CENPS: variants seen among roughly 807,000 people sequenced by gnomAD.
CENPS encodes centromere protein S.
A neutral mutation model predicts 17.9 loss-of-function variants in CENPS; 16 were observed. The ratio of observed to expected loss-of-function variants is 0.90; its 90% CI spans 0.61 to 1.36. CENPS has a LOEUF of 1.36. Among genes scored for constraint, CENPS ranks in the 40% most tolerant of loss-of-function variants. The pLI is 0.00. For missense variants in CENPS, 160 were observed against 158.6 expected (o/e 1.01, Z -0.05); for synonymous variants, 49 against 55.8 (o/e 0.88, Z 0.54).
In CENPS at chr1:10,442,426, G is replaced by A. The variant is rs760976958; in HGVS notation, c.*21G>A. 2.6e-6 allele frequency: 4 copies of A among 1,554,400 alleles called. No individual in the cohort carries two copies. Among genetic ancestry groups the A allele is most frequent in the Middle Eastern group, 1.7e-4 (1 of 5,844 alleles). The stretch of plus-strand genomic sequence containing the variant: ...ATTAAAGTCCCTCGCCGCTTGGAAA[G>A]TGCAGCCTTCTACAGGTAGAGCCAC... On this transcript the variant is annotated 3_prime_UTR_variant, in exon 5 of 5. Coordinates refer to ENST00000309048, the MANE Select transcript of CENPS (RefSeq NM_199294.3).
intron 3 of CENPS, among the ~76,000 whole-genome samples, chr1:10,436,966 G>C (rs1177708439): frequency 6.6e-6 from 1 of 152,142 alleles, no homozygotes; most frequent in Non-Finnish European, 1.5e-5. Flanking sequence ...TGGAAGGTCA[G>C]CTTTGGTTAT....
chr1:10,430,642 G>A (rs1639859169), intron 1 of CENPS, 74 bp downstream of exon 1: 3 of 1,478,922 alleles, frequency 2.0e-6, no homozygotes, highest in Non-Finnish European at 2.7e-6. Flanking sequence ...GTACCCGGCA[G>A]CCCCCGGCGG....
intron 3 of CENPS, 188 bp from the exon 4 acceptor site, chr1:10,440,159 C>G: frequency 1.4e-6 from 1 of 710,638 alleles, no homozygotes; most frequent in Non-Finnish European, 2.2e-6. Flanking sequence ...TTCTCCATCT[C>G]TTTACTTAAT....
intron 4 of CENPS, 126 bp from the exon 5 acceptor site, chr1:10,442,139 C>A: frequency 1.6e-6 from 2 of 1,237,298 alleles, no homozygotes; most frequent in Non-Finnish European, 2.2e-6. Flanking sequence ...GTAACCCAGG[C>A]TTTGGCTTTT....
At chr1:10,440,229 A>C in intron 3 of CENPS, 118 bp from the exon 4 acceptor site, 4 of 1,342,618 alleles carry the variant, frequency 3.0e-6, no homozygotes, top group Non-Finnish European at 4.0e-6. Flanking sequence ...CTTTATCTAA[A>C]AGGATGGGCT....
At chr1:10,438,607 T>A (rs1034943276) in intron 3 of CENPS, among the ~76,000 whole-genome samples, 1 of 152,134 alleles carries the variant, frequency 6.6e-6, no homozygotes, top group African/African-American at 2.4e-5. Flanking sequence ...TATGAAAAAT[T>A]GCTTTTGATT....
intron 1 of CENPS, among the ~76,000 whole-genome samples, chr1:10,432,883 C>T (rs524150): frequency 2.6e-5 from 4 of 151,770 alleles, no homozygotes. Context: ...CAGGTTGATG[C>T]CTCTTTGGCT....
At chr1:10,435,557 C>T (rs573994637) in intron 3 of CENPS, among the ~76,000 whole-genome samples, 5 of 151,636 alleles carry the variant, frequency 3.3e-5, no homozygotes, top group Non-Finnish European at 5.9e-5. Flanking sequence ...GAAGGGATAC[C>T]GATAGCTCAT....
At chr1:10,430,732 G>C (rs6662684) in intron 1 of CENPS, 164 bp downstream of exon 1, 535,011 of 1,404,480 alleles carry the variant, frequency 0.38, 105,896 homozygotes, top group Non-Finnish European at 0.4. Context: ...GGTGCTGGGA[G>C]GCGGTTTCCG....
chr1:10,434,257 C>A (rs142762863), intron 2 of CENPS, among the ~76,000 whole-genome samples: 132 of 152,220 alleles, frequency 8.7e-4, no homozygotes, highest in African/African-American at 2.8e-3. Flanking sequence ...TATTTCAGTG[C>A]TTTATAACGT....
At position 10,442,534 on chromosome 1, in the gene CENPS, G is replaced by A; in HGVS notation, c.*129G>A. 7.6e-7 allele frequency: 1 copy of A among 1,311,224 alleles called. No individual in the cohort carries two copies. The highest frequency in any genetic ancestry group is 9.7e-7 in the Non-Finnish European group (1 of 1,026,958). The allele number at this position is 1,311,224 out of a possible 1,614,324, so 81.2% of individuals were successfully genotyped here. On this transcript the variant is annotated 3_prime_UTR_variant, in exon 5 of 5. Transcript: ENST00000309048. ...AATAAAATAAAAAGGCTGGGCTAGG[G>A]TGCTTTTTGTGCTGAATTCTCCACA... is the stretch of plus-strand genomic sequence containing the variant.
intron 3 of CENPS, among the ~76,000 whole-genome samples, chr1:10,435,606 T>C (rs1640111476): frequency 6.6e-6 from 1 of 151,902 alleles, no homozygotes; most frequent in Admixed American, 6.6e-5. Context: ...ATGCCCCTTA[T>C]GTGTGGCCCT....
chr1:10,440,211 T>A, intron 3 of CENPS, 136 bp from the exon 4 acceptor site: 1 of 1,179,984 alleles, frequency 8.5e-7, no homozygotes. Context: ...TCACTTTTGC[T>A]TAATGCCCTT....
At chr1:10,436,092 C>G (rs1226413685) in intron 3 of CENPS, among the ~76,000 whole-genome samples, 2 of 151,646 alleles carry the variant, frequency 1.3e-5, no homozygotes, top group African/African-American at 4.8e-5. Context: ...ATTCTCCTGC[C>G]TCAGCCTCCT....
At chr1:10,437,198 C>T (rs975284749) in intron 3 of CENPS, among the ~76,000 whole-genome samples, 5 of 152,052 alleles carry the variant, frequency 3.3e-5, no homozygotes, top group Admixed American at 1.3e-4. Flanking sequence ...CTCTGTTACC[C>T]AGGCTGGAGT....
intron 3 of CENPS, among the ~76,000 whole-genome samples, chr1:10,436,112 G>C (rs1640147042): frequency 6.6e-6 from 1 of 151,348 alleles, no homozygotes; most frequent in African/African-American, 2.4e-5. Context: ...TGAGTAGCTG[G>C]GATTACAGGC....
chr1:10,433,031 C>G lies in CENPS; in HGVS notation c.52-811C>G, dbSNP rs113685476. Among the ~76,000 whole-genome samples, 91 of 152,276 alleles carry G rather than the reference C, an allele frequency of 6.0e-4. 1 individual carries two copies. Among genetic ancestry groups the G allele is most frequent in the African/African-American group, 2.1e-3 (89 of 41,548 alleles). ...GCAGTTCCTCCTCCTCTTGCCTATG[C>G]GTTGAACACTTGCTGGTAGATTTTA... On this transcript the variant is annotated intron_variant, in intron 1 of 4. Coordinates refer to ENST00000309048, the MANE Select transcript of CENPS (RefSeq NM_199294.3).
At chr1:10,438,321 T>C (rs1318373545) in intron 3 of CENPS, among the ~76,000 whole-genome samples, 1 of 152,054 alleles carries the variant, frequency 6.6e-6, no homozygotes, top group Admixed American at 6.6e-5. Flanking sequence ...ATTTTTGTCG[T>C]TGTAGTAGAG....
At chr1:10,441,405 C>T (rs1479221096) in intron 4 of CENPS, among the ~76,000 whole-genome samples, 1 of 149,308 alleles carries the variant, frequency 6.7e-6, no homozygotes, top group African/African-American at 2.5e-5. Context: ...GTCCCCGTCT[C>T]CTGGGCTCCA....
Sources: gnomAD v4.1 joint callset for allele counts (sites outside exome capture counted in the v4.1 genomes callset) on GRCh38, gnomAD v4.1.1 for gene constraint, MANE v1.5 for transcripts, NCBI Gene and HGNC (gene_info 2026-07-23, HGNC 2026-07-21) for gene names.